The following TTYH1 variants were observed in gnomAD, a reference collection of about 807,000 sequenced individuals.
TTYH1 encodes tweety family member 1.
Under a neutral mutation model 61.2 loss-of-function variants are expected in TTYH1, and 33 were observed. The ratio of observed to expected loss-of-function variants is 0.54; its 90% CI spans 0.41 to 0.72. The LOEUF is 0.72. Among genes scored for constraint, TTYH1 ranks in the 30% least tolerant of loss-of-function variants. The pLI is 0.00. For synonymous variants in TTYH1, 308 were observed against 266.4 expected (o/e 1.16, Z -1.52); for missense variants, 538 against 575.8 (o/e 0.93, Z 0.67).
Position 54,419,016 on chromosome 19 carries a change from C to T in TTYH1, c.127-112C>T. ...CCCCAAGATTAGGCCAGGGATGTCT[C>T]CCACCTTCACTCTGACATCCCAGAC... is the stretch of plus-strand genomic sequence containing the variant. On this transcript the variant is annotated intron_variant, in intron 1 of 13. Transcript: ENST00000376530. The surrounding 1 kb of genome is among the most constrained non-coding windows in gnomAD (Gnocchi z 6.1). The T allele has an allele frequency of 1.8e-6, 2 of 1,093,808 alleles. No homozygotes were observed. Among genetic ancestry groups the T allele is most frequent in the East Asian group, 4.9e-5 (2 of 40,688 alleles). The allele number at this position is 1,093,808 out of a possible 1,614,324, so 67.8% of individuals were successfully genotyped here.
chr19:54,422,289 C>G lies in TTYH1; in HGVS notation c.517C>G (p.Arg173Gly). The G allele has an allele frequency of 6.4e-7, 1 of 1,566,782 alleles. No homozygotes were observed. Among genetic ancestry groups the G allele is most frequent in the Non-Finnish European group, 8.6e-7 (1 of 1,156,446 alleles). ...GCGCACGGAGCTGGTGGCTGCCGCC[C>G]GAGGGGCTCGACGGCAGGCGGAGGC... ...EPRTELVAAA[R>G]GARRQAEAAA... is the part of the protein sequence containing the mutation. Residue 173 changes from arginine to glycine, a missense_variant, in exon 4 of 14, where the codon CGA becomes GGA. Arg to Gly is a moderately radical substitution (Grantham distance 125). Around this residue, in one of 3 missense-constraint regions of TTYH1, gnomAD observed 378 missense variants for 401.2 expected, o/e 0.94. Transcript: ENST00000376530.
intron 1 of TTYH1, among the ~76,000 whole-genome samples, chr19:54,417,291 A>ACACACTCACATG (rs565592281): frequency 6.6e-6 from 1 of 150,782 alleles, no homozygotes; most frequent in Non-Finnish European, 1.5e-5. Flanking sequence ...TACTCCCATT[A>ACACACTCACATG]CACACTCACA....
At position 54,429,781 on chromosome 19, in the gene TTYH1, C is replaced by A; in HGVS notation, c.808-101C>A. On this transcript the variant is annotated intron_variant, in intron 6 of 13. Transcript: ENST00000376530. This position sits in a 1 kb window ranked among gnomAD's most constrained non-coding sequence, Gnocchi z 5.1. ...GGAAGAGGGGCTGGGACCTGGACCC[C>A]TGGGTGGGGAGGGGAGCTGGGGAGC... 9.6e-7 allele frequency: 1 copy of A among 1,042,774 alleles called. No homozygotes were observed. The allele number at this position is 1,042,774 out of a possible 1,614,324, so 64.6% of individuals were successfully genotyped here.
Position 54,429,806 on chromosome 19 carries a change from C to T in TTYH1, c.808-76C>T. ...CTGGGTGGGGAGGGGAGCTGGGGAG[C>T]CAGGCACTGGGTGCTGTGGGAGTGT... is the stretch of plus-strand genomic sequence containing the variant. On this transcript the variant is annotated intron_variant, in intron 6 of 13. Transcript: ENST00000376530. The surrounding 1 kb of genome is among the most constrained non-coding windows in gnomAD (Gnocchi z 5.1). The T allele has an allele frequency of 7.5e-7, 1 of 1,337,078 alleles. No homozygotes were observed. The highest frequency in any genetic ancestry group is 1.2e-5 in the South Asian group (1 of 80,804). The allele number at this position is 1,337,078 out of a possible 1,614,324, so 82.8% of individuals were successfully genotyped here.
chr19:54,417,001 G>A (rs2083094444), intron 1 of TTYH1: 3 of 1,194,768 alleles, frequency 2.5e-6, no homozygotes, highest in Non-Finnish European at 3.2e-6. Context: ...CGCGGGCAGA[G>A]CCCCACAGCC....
rs372594791 is a variant in TTYH1 at position 54,429,376 on chromosome 19, C to A, written c.804C>A (p.Ala268=). ...CCATGGGCCTGGAGGCAGCCACGGC[C>A]GTGGTGAGTGCCAGGGCCGGGCCAT... The part of the protein sequence containing the change: ...WGSMGLEAAT[A]VGLSDFCSNP... The change falls in exon 6 of 14, where the codon GCC becomes GCA. Residue 268 remains alanine, a synonymous_variant. Coordinates refer to ENST00000376530, the MANE Select transcript of TTYH1 (RefSeq NM_020659.4). This position sits in a 1 kb window ranked among gnomAD's most constrained non-coding sequence, Gnocchi z 5.1. 2 of 1,613,604 alleles carry A rather than the reference C, an allele frequency of 1.2e-6. No homozygotes were observed. The highest frequency in any genetic ancestry group is 1.7e-6 in the Non-Finnish European group (2 of 1,179,956).
At chr19:54,422,557 A>C (rs772535701) in intron 4 of TTYH1, 147 bp downstream of exon 4, 27 of 650,420 alleles carry the variant, frequency 4.2e-5, no homozygotes, top group Non-Finnish European at 6.6e-5. Flanking sequence ...AGAGCCCAGG[A>C]ACTGTTCAAC....
rs771577867 is a variant in TTYH1, at chr19:54,430,592, A to G, written c.926A>G (p.Asn309Ser). The G allele has an allele frequency of 1.3e-6, 2 of 1,548,366 alleles. No individual in the cohort carries two copies. The highest frequency in any genetic ancestry group is 1.5e-5 in the African/African-American group (1 of 68,876). ...CTCCTCTGCAACCGGGCCGTCTCCA[A>G]CCCCTTCCAACAGGTTAGGGCTGCG... ...YYLLCNRAVS[N>S]PFQQRLTLSQ... Residue 309 changes from asparagine (N) to serine (S), a missense_variant, in exon 8 of 14, where the codon AAC becomes AGC. Physicochemically the swap from Asn to Ser is conservative, Grantham distance 46 (BLOSUM62 1). Coordinates refer to ENST00000376530, the MANE Select transcript of TTYH1 (RefSeq NM_020659.4).
intron 1 of TTYH1, among the ~76,000 whole-genome samples, chr19:54,417,118 G>T (rs2083097719): frequency 6.6e-6 from 1 of 152,014 alleles, no homozygotes; most frequent in Admixed American, 6.6e-5. Context: ...ACAGCCACAC[G>T]CACACACTCA....
intron 10 of TTYH1, chr19:54,431,425 A>T (rs80074538): frequency 0.032 from 14,819 of 468,680 alleles, 309 homozygotes; most frequent in South Asian, 0.066. Flanking sequence ...TTTCCCCCCA[A>T]CTCCCGCACT....
At chr19:54,427,298 CAAAAAAAA>C (rs752663363) in intron 5 of TTYH1, among the ~76,000 whole-genome samples, 1 of 15,366 alleles carries the variant, frequency 6.5e-5, no homozygotes, top group Non-Finnish European at 1.0e-4. Context: ...CACTCCATCT[CAAAAAAAA>C]AAAAAAAAAA....
rs2083175795 is a variant in TTYH1 at position 54,420,051 on chromosome 19, C to T, written c.305+745C>T. 6.6e-6 allele frequency among the ~76,000 whole-genome samples: 1 copy of T among 152,108 alleles called. No individual in the cohort carries two copies. The highest frequency in any genetic ancestry group is 1.5e-5 in the Non-Finnish European group (1 of 68,020). Reference sequence around the variant, plus strand: ...GAGGTCACCTTTCAAGGCCACGTGGCTTAAGAGGCAGCACAGAGATTCAGA... The same window carrying T: ...GAGGTCACCTTTCAAGGCCACGTGGTTTAAGAGGCAGCACAGAGATTCAGA... On this transcript the variant is annotated intron_variant, in intron 2 of 13. Transcript: ENST00000376530. This position sits in a 1 kb window ranked among gnomAD's most constrained non-coding sequence, Gnocchi z 4.8.
intron 1 of TTYH1, among the ~76,000 whole-genome samples, chr19:54,417,685 A>T (rs1361962047): frequency 6.9e-6 from 1 of 145,010 alleles, no homozygotes; most frequent in Non-Finnish European, 1.5e-5. Context: ...TTATACTCCC[A>T]TACACACACA....
intron 5 of TTYH1, among the ~76,000 whole-genome samples, chr19:54,427,255 C>T (rs2083340054): frequency 8.2e-6 from 1 of 122,472 alleles, no homozygotes; most frequent in Non-Finnish European, 1.6e-5. Context: ...CAAGATCACA[C>T]ACCATTGCAC....
chr19:54,436,358 C>T lies in TTYH1; in HGVS notation c.*68C>T, dbSNP rs1477782732. ...TTCCTTCCCTGGCTGCCGGAGGAGA[C>T]CCCACTAACCCAGCCTGCCTGGGCT... is the stretch of plus-strand genomic sequence containing the variant. On this transcript the variant is annotated 3_prime_UTR_variant, in exon 14 of 14. Coordinates refer to ENST00000376530, the MANE Select transcript of TTYH1 (RefSeq NM_020659.4). The surrounding 1 kb of genome is among the most constrained non-coding windows in gnomAD (Gnocchi z 4.3). 2 of 1,614,164 alleles carry T rather than the reference C, an allele frequency of 1.2e-6. No individual in the cohort carries two copies. The highest frequency in any genetic ancestry group is 3.3e-5 in the Admixed American group (2 of 60,028).
Position 54,416,718 on chromosome 19 carries a change from C to G in TTYH1, c.126+1040C>G. ...GGGTCACGGCTGGCACAGCCCTGAG[C>G]AGCTCTTCCCCGCCTGCTCCTCGCC... is the stretch of plus-strand genomic sequence containing the variant. On this transcript the variant is annotated intron_variant, in intron 1 of 13. Coordinates refer to ENST00000376530, the MANE Select transcript of TTYH1 (RefSeq NM_020659.4). The surrounding 1 kb of genome is among the most constrained non-coding windows in gnomAD (Gnocchi z 7.0). 1 of 1,281,734 alleles carries G rather than the reference C, an allele frequency of 7.8e-7. No individual in the cohort carries two copies. Among genetic ancestry groups the G allele is most frequent in the Non-Finnish European group, 1.0e-6 (1 of 982,002 alleles). The allele number at this position is 1,281,734 out of a possible 1,614,324, so 79.4% of individuals were successfully genotyped here. A position where few individuals can be genotyped will look rare whatever the true frequency, so the allele number is the denominator to read the frequency against.
chr19:54,435,480 C>T (rs953929500), intron 10 of TTYH1, 62 bp from the exon 11 acceptor site: 147 of 1,534,934 alleles, frequency 9.6e-5, no homozygotes, highest in Non-Finnish European at 1.3e-4. Context: ...GACTGATGTG[C>T]ACAGTGTGTG....
In TTYH1 at chr19:54,429,577, G is replaced by C. The variant is rs2083392914; in HGVS notation, c.807+198G>C. The stretch of plus-strand genomic sequence containing the variant: ...GGACGTTTGAGCTGTAATGGAGGAG[G>C]GGCTGGAAACCTGGATTCCTAGGTC... On this transcript the variant is annotated intron_variant, in intron 6 of 13. Coordinates refer to ENST00000376530, the MANE Select transcript of TTYH1 (RefSeq NM_020659.4). This position sits in a 1 kb window ranked among gnomAD's most constrained non-coding sequence, Gnocchi z 5.1. 6.6e-6 allele frequency among the ~76,000 whole-genome samples: 1 copy of C among 152,080 alleles called. No homozygotes were observed. Among genetic ancestry groups the C allele is most frequent in the African/African-American group, 2.4e-5 (1 of 41,414 alleles).
In TTYH1 at chr19:54,429,977, T is replaced by TGG. The variant is rs781107435; in HGVS notation, c.883+22_883+23dup. The TGG allele has an allele frequency of 6.2e-7, 1 of 1,610,376 alleles. No homozygotes were observed. The highest frequency in any genetic ancestry group is 1.7e-5 in the Admixed American group (1 of 59,956). ...GCTCAGGTGATTTCCAAGGGCCCGGTGGGTCCGCCGGGTTGGGCAGTGCAG... is the reference window on the plus strand; with the variant it reads ...GCTCAGGTGATTTCCAAGGGCCCGGTGGGGGTCCGCCGGGTTGGGCAGTGCAG... On this transcript the variant is annotated intron_variant, in intron 7 of 13. Coordinates refer to ENST00000376530, the MANE Select transcript of TTYH1 (RefSeq NM_020659.4). This position sits in a 1 kb window ranked among gnomAD's most constrained non-coding sequence, Gnocchi z 5.1.
Sources: allele counts gnomAD v4.1 joint callset (sites outside exome capture counted in the v4.1 genomes callset), GRCh38; gene constraint gnomAD v4.1.1; regional missense constraint gnomAD v4.1.1; non-coding constraint Gnocchi (gnomAD v3.1); transcripts MANE v1.5; gene names NCBI Gene and HGNC (gene_info 2026-07-23, HGNC 2026-07-21).